Variants in PSMB7 observed in about 807,000 individuals in gnomAD.
PSMB7 encodes proteasome 20S subunit beta 7.
In PSMB7, 5 loss-of-function variants were observed where a neutral mutation model predicts 28.1. That is an observed-to-expected ratio of 0.18 (90% CI 0.09 to 0.37). The LOEUF (loss-of-function observed/expected upper bound fraction) is 0.37, where lower values mean the gene tolerates loss of function less well. PSMB7 is among the 10% of genes least tolerant of loss of function. PSMB7 has a pLI of 1.00. For missense variants in PSMB7, 275 were observed against 346.2 expected, an observed-to-expected ratio of 0.79 and a Z score of 1.63; for synonymous variants, 122 against 123.7, an observed-to-expected ratio of 0.99 and a Z score of 0.09.
chr9:124,368,178 T>A (rs1304318828), intron 6 of PSMB7, among the ~76,000 whole-genome samples: 1 of 135,766 alleles, frequency 7.4e-6, no homozygotes, highest in Non-Finnish European at 1.7e-5. Flanking sequence ...CTGTGCCAAG[T>A]ACCCAATTCC....
intron 5 of PSMB7, among the ~76,000 whole-genome samples, chr9:124,392,099 T>G (rs1269831034): frequency 6.6e-6 from 1 of 152,198 alleles, no homozygotes. Flanking sequence ...CTGGGAGTAT[T>G]TGGCCCTTTT....
chr9:124,386,659 A>G (rs982495803), intron 5 of PSMB7, among the ~76,000 whole-genome samples: 4 of 152,236 alleles, frequency 2.6e-5, no homozygotes, highest in Non-Finnish European at 5.9e-5. Flanking sequence ...CCAGAAATAA[A>G]CATTTAAAAA....
chr9:124,397,527 G>A (rs954243649), intron 5 of PSMB7, among the ~76,000 whole-genome samples: 1 of 152,208 alleles, frequency 6.6e-6, no homozygotes, highest in African/African-American at 2.4e-5. Context: ...TCAGGCGCCT[G>A]GCTAGTAGCC....
rs1803377 is a variant in PSMB7 at position 124,353,557 on chromosome 9, A to C, written c.*41T>G. The C allele has an allele frequency of 7.1e-7, 1 of 1,409,504 alleles. No individual in the cohort carries two copies. The highest frequency in any genetic ancestry group is 1.0e-6 in the Non-Finnish European group (1 of 994,928). The allele number at this position is 1,409,504 out of a possible 1,614,324, so 87.3% of individuals were successfully genotyped here. On this transcript the variant is annotated 3_prime_UTR_variant, in exon 8 of 8. Transcript: ENST00000259457. ...AGTGTCTTACTGGGCCTCAATGCTCACCACCTTCCAGAACCGCGGCCAGCC... is the reference window on the plus strand; with the variant it reads ...AGTGTCTTACTGGGCCTCAATGCTCCCCACCTTCCAGAACCGCGGCCAGCC...
At chr9:124,398,509 TG>T in intron 5 of PSMB7, 1 of 328,506 alleles carries the variant, frequency 3.0e-6, no homozygotes, top group Admixed American at 4.9e-5. Flanking sequence ...AAAATCACGT[TG>T]TTTTTGGGTA....
At chr9:124,385,002 A>G (rs1321345139) in intron 5 of PSMB7, among the ~76,000 whole-genome samples, 1 of 152,258 alleles carries the variant, frequency 6.6e-6, no homozygotes, top group East Asian at 1.9e-4. Flanking sequence ...CCCGTGTTCT[A>G]TGCTGTGAGT....
chr9:124,365,983 G>C (rs1190705312), intron 6 of PSMB7, among the ~76,000 whole-genome samples: 1 of 152,242 alleles, frequency 6.6e-6, no homozygotes, highest in Non-Finnish European at 1.5e-5. Context: ...AGTGAGGTAA[G>C]ATGTGGACGC....
intron 6 of PSMB7, among the ~76,000 whole-genome samples, chr9:124,383,111 G>A (rs562441435): frequency 6.6e-6 from 1 of 152,196 alleles, no homozygotes; most frequent in Non-Finnish European, 1.5e-5. Flanking sequence ...TAGAAAACTG[G>A]GGAACTTTTT....
intron 6 of PSMB7, 107 bp downstream of exon 6, chr9:124,384,491 C>T: frequency 3.9e-6 from 4 of 1,032,288 alleles, no homozygotes; most frequent in Middle Eastern, 2.8e-4. Context: ...TTCCAACTAA[C>T]AACAGTGCTG....
rs146152558 is a variant in PSMB7 at position 124,407,279 on chromosome 9, T to C, written c.396-1847A>G. Among the ~76,000 whole-genome samples the C allele has an allele frequency of 1.0e-3, 157 of 152,354 alleles. 1 individual carries two copies. Among genetic ancestry groups the C allele is most frequent in the African/African-American group, 3.5e-3 (147 of 41,576 alleles). On this transcript the variant is annotated intron_variant, in intron 4 of 7. Coordinates refer to ENST00000259457, the MANE Select transcript of PSMB7 (RefSeq NM_002799.4). ...CTAAGTAAACAGAACAGTGGTCCAATACTTGCCCTGTTCCTTGATTACCAA... is the reference window on the plus strand; with the variant it reads ...CTAAGTAAACAGAACAGTGGTCCAACACTTGCCCTGTTCCTTGATTACCAA...
rs560286596 is a variant in PSMB7, at chr9:124,369,746, C to A, written c.571-12831G>T. Among the ~76,000 whole-genome samples, 4 of 152,246 alleles carry A rather than the reference C, an allele frequency of 2.6e-5. No homozygotes were observed. In the South Asian group the frequency reaches 6.2e-4, roughly 24 times the overall value. ...ACTTAACATTCCTGTCCGGAATGGT[C>A]TCCTTCTCTTCTGCCTCCCTGTCCC... is the stretch of plus-strand genomic sequence containing the variant. On this transcript the variant is annotated intron_variant, in intron 6 of 7. Transcript: ENST00000259457.
At chr9:124,365,988 G>A (rs1200065261) in intron 6 of PSMB7, among the ~76,000 whole-genome samples, 1 of 152,200 alleles carries the variant, frequency 6.6e-6, no homozygotes, top group Non-Finnish European at 1.5e-5. Context: ...GGTAAGATGT[G>A]GACGCAAAAG....
intron 6 of PSMB7, among the ~76,000 whole-genome samples, chr9:124,376,921 G>A (rs1403252918): frequency 6.6e-6 from 1 of 152,148 alleles, no homozygotes; most frequent in Non-Finnish European, 1.5e-5. Flanking sequence ...AGGAATTGCT[G>A]AAAAGTAAAT....
chr9:124,390,576 G>A (rs1830774033), intron 5 of PSMB7, among the ~76,000 whole-genome samples: 1 of 152,020 alleles, frequency 6.6e-6, no homozygotes, highest in Non-Finnish European at 1.5e-5. Context: ...TTTAGTGGGG[G>A]AAAAACATGT....
chr9:124,405,240 G>C, intron 5 of PSMB7, 77 bp downstream of exon 5: 1 of 1,011,834 alleles, frequency 9.9e-7, no homozygotes, highest in South Asian at 1.4e-5. Context: ...TCTTCTAAGA[G>C]AAAACAGACC....
intron 6 of PSMB7, among the ~76,000 whole-genome samples, chr9:124,367,357 G>A (rs990396140): frequency 2.0e-5 from 3 of 152,094 alleles, no homozygotes; most frequent in African/African-American, 7.2e-5. Context: ...GACAATGGCT[G>A]ACTTCTCATC....
At chr9:124,365,943 G>A (rs1052100072) in intron 6 of PSMB7, among the ~76,000 whole-genome samples, 1 of 152,158 alleles carries the variant, frequency 6.6e-6, no homozygotes, top group Non-Finnish European at 1.5e-5. Flanking sequence ...GAGAGAAAGA[G>A]AGAGAGATTA....
At position 124,384,579 on chromosome 9, in the gene PSMB7, A is replaced by C. The variant is rs370838760; in HGVS notation, c.570+19T>G. On this transcript the variant is annotated intron_variant, in intron 6 of 7. Coordinates refer to ENST00000259457, the MANE Select transcript of PSMB7 (RefSeq NM_002799.4). The stretch of plus-strand genomic sequence containing the variant: ...AGAAAAATCTTTGAAAAAGAATAAA[A>C]CTGCAGGGACTTACATACCTCCATG... 1.7e-5 allele frequency: 27 copies of C among 1,589,630 alleles called. No homozygotes were observed. The African/African-American group carries it at 3.4e-4, about 20-fold the overall frequency.
chr9:124,412,390 A>C lies in PSMB7; in HGVS notation c.357T>G (p.Val119=), dbSNP rs769714991. The C allele has an allele frequency of 5.6e-6, 9 of 1,614,168 alleles. No individual in the cohort carries two copies. Among genetic ancestry groups the C allele is most frequent in the African/African-American group, 1.3e-5 (1 of 75,068 alleles). The change falls in exon 4 of 8, where the codon GTT becomes GTG. Residue 119 remains valine (V), a synonymous_variant. Coordinates refer to ENST00000259457, the MANE Select transcript of PSMB7 (RefSeq NM_002799.4). Reference sequence around the variant, plus strand: ...GCTTCAGCATCCGATTGGCTGTCACAACTCTGGGAAGACGGCCAGTGGAGA... The same window carrying C: ...GCTTCAGCATCCGATTGGCTGTCACCACTCTGGGAAGACGGCCAGTGGAGA... ...HSLSTGRLPR[V]VTANRMLKQM... is the part of the protein sequence containing the mutation.
Sources: allele counts gnomAD v4.1 joint callset (sites outside exome capture counted in the v4.1 genomes callset), GRCh38; gene constraint gnomAD v4.1.1; transcripts MANE v1.5; gene names NCBI Gene and HGNC (gene_info 2026-07-23, HGNC 2026-07-21).